SCLT1: variants seen among roughly 807,000 people sequenced by gnomAD.
SCLT1 encodes the protein sodium channel-associated protein 1.
Under a neutral mutation model 112.8 loss-of-function variants are expected in SCLT1, and 78 were observed. The observed-to-expected ratio is 0.69, with a 90% CI of 0.58 to 0.83. The LOEUF (loss-of-function observed/expected upper bound fraction) is 0.83, where lower values mean the gene tolerates loss of function less well. SCLT1 is among the 40% of genes least tolerant of loss of function. The probability of loss-of-function intolerance (pLI) is 0.00; values close to 1 mark genes in which losing one functional copy is unlikely to be tolerated. For missense variants in SCLT1, 747 were observed against 770.4 expected (o/e 0.97, Z 0.36); for synonymous variants, 257 against 254.7 (o/e 1.01, Z -0.09).
intron 5 of SCLT1, among the ~76,000 whole-genome samples, chr4:129,031,567 C>T (rs115606585): frequency 0.014 from 2,185 of 152,134 alleles, 48 homozygotes; most frequent in African/African-American, 0.044. Context: ...AAAACCCCAT[C>T]GTATCAGCCC....
At chr4:129,080,377 C>A (rs767985323) in intron 2 of SCLT1, among the ~76,000 whole-genome samples, 1 of 152,210 alleles carries the variant, frequency 6.6e-6, no homozygotes, top group Non-Finnish European at 1.5e-5. Context: ...TTAAAAGCAG[C>A]CAGGCTACAT....
intron 5 of SCLT1, among the ~76,000 whole-genome samples, chr4:129,005,126 C>T (rs1201467617): frequency 1.3e-5 from 2 of 152,006 alleles, no homozygotes; most frequent in Admixed American, 6.6e-5. Flanking sequence ...TACTGTATTG[C>T]TAATACTATA....
At chr4:128,981,740 AAAAAAAAAAG>A (rs1180025740) in intron 9 of SCLT1, among the ~76,000 whole-genome samples, 37 of 151,714 alleles carry the variant, frequency 2.4e-4, no homozygotes, top group African/African-American at 8.0e-4. Context: ...TCTCCCACAA[AAAAAAAAAAG>A]AAAAAAAAAG....
intron 17 of SCLT1, among the ~76,000 whole-genome samples, chr4:128,940,061 C>A (rs1015548386): frequency 3.3e-5 from 5 of 152,002 alleles, no homozygotes; most frequent in Non-Finnish European, 7.4e-5. Context: ...GATAAACTTT[C>A]TATTACTCTT....
chr4:129,036,463 A>G (rs2126154585), intron 5 of SCLT1: 1 of 152,224 alleles, frequency 6.6e-6, no homozygotes, highest in African/African-American at 2.4e-5. Context: ...AATATTTATA[A>G]TATTCTTTAC....
chr4:128,883,706 C>A (rs1254833939), downstream of SCLT1, among the ~76,000 whole-genome samples: 1 of 152,186 alleles, frequency 6.6e-6, no homozygotes, highest in Non-Finnish European at 1.5e-5. Flanking sequence ...GCAGCAGTCT[C>A]CTAATTGGTT....
chr4:129,036,568 CA>C (rs1172890281), intron 5 of SCLT1: 2 of 151,170 alleles, frequency 1.3e-5, no homozygotes, highest in South Asian at 2.1e-4. Context: ...GGGAAAAAAA[CA>C]AAAATAAATG....
At chr4:129,057,859 C>T (rs1423689739) in intron 2 of SCLT1, among the ~76,000 whole-genome samples, 1 of 151,712 alleles carries the variant, frequency 6.6e-6, no homozygotes, top group Non-Finnish European at 1.5e-5. Flanking sequence ...TCAAGTGATT[C>T]TTGTGCCTCA....
At chr4:129,026,868 T>C (rs959054795) in intron 5 of SCLT1, among the ~76,000 whole-genome samples, 2 of 152,176 alleles carry the variant, frequency 1.3e-5, no homozygotes, top group Admixed American at 1.3e-4. Flanking sequence ...ATAAAGGGGA[T>C]ATCACCACTG....
At chr4:129,021,402 T>A (rs926045528) in intron 5 of SCLT1, among the ~76,000 whole-genome samples, 1 of 152,090 alleles carries the variant, frequency 6.6e-6, no homozygotes, top group African/African-American at 2.4e-5. Context: ...GCTCGGCGGG[T>A]CCAACTCCCA....
intron 7 of SCLT1, 75 bp downstream of exon 7, chr4:128,999,597 G>A (rs112139899): frequency 8.4e-5 from 89 of 1,061,102 alleles, no homozygotes; most frequent in African/African-American, 3.5e-4. Context: ...AGTCTTAAGC[G>A]TTCCCCTCTA....
At chr4:128,966,326 T>C (rs917480084) in intron 10 of SCLT1, among the ~76,000 whole-genome samples, 1 of 152,084 alleles carries the variant, frequency 6.6e-6, no homozygotes, top group African/African-American at 2.4e-5. Context: ...TATTTTTTAG[T>C]GGTTGCTGTA....
chr4:129,033,519 A>AAAAAAAAAAAAAAAAAT, intron 5 of SCLT1, among the ~76,000 whole-genome samples: 1 of 150,818 alleles, frequency 6.6e-6, no homozygotes, highest in Non-Finnish European at 1.5e-5. Flanking sequence ...AAAAAAAAAA[A>AAAAAAAAAAAAAAAAAT]AAAAAAAAAA....
At chr4:128,960,691 C>A (rs957650358) in intron 11 of SCLT1, among the ~76,000 whole-genome samples, 1 of 151,338 alleles carries the variant, frequency 6.6e-6, no homozygotes, top group Non-Finnish European at 1.5e-5. Flanking sequence ...GAGGCCGAGG[C>A]GGGTGGATCA....
intron 20 of SCLT1, among the ~76,000 whole-genome samples, chr4:128,888,052 A>G (rs983548236): frequency 1.3e-5 from 2 of 152,330 alleles, no homozygotes; most frequent in Non-Finnish European, 1.5e-5. Flanking sequence ...ATGCTGTCCA[A>G]TGTGATAGCC....
At chr4:129,016,250 T>C (rs1363763856) in intron 5 of SCLT1, among the ~76,000 whole-genome samples, 1 of 152,190 alleles carries the variant, frequency 6.6e-6, no homozygotes, top group Admixed American at 6.6e-5. Context: ...CCATGGTGGT[T>C]TGCTGCACCT....
intron 6 of SCLT1, among the ~76,000 whole-genome samples, chr4:129,003,094 C>T (rs1437201445): frequency 6.6e-6 from 1 of 152,108 alleles, no homozygotes; most frequent in Non-Finnish European, 1.5e-5. Flanking sequence ...CCATGGAATA[C>T]TATGCAGCCA....
intron 5 of SCLT1, chr4:128,874,037 T>G (rs986763873): frequency 1.3e-5 from 2 of 152,592 alleles, no homozygotes; most frequent in Non-Finnish European, 2.9e-5. Context: ...GTTTTTAGAT[T>G]GACTGACTAT....
chr4:128,883,157 C>A (rs1648063), downstream of SCLT1, among the ~76,000 whole-genome samples: 992 of 57,248 alleles, frequency 0.017, 4 homozygotes, highest in African/African-American at 0.026. Context: ...ACAACAACAA[C>A]AAAAAAAAAA....
Sources: gnomAD v4.1 joint callset for allele counts (sites outside exome capture counted in the v4.1 genomes callset) on GRCh38, gnomAD v4.1.1 for gene constraint, MANE v1.5 for transcripts, NCBI Gene and HGNC (gene_info 2026-07-23, HGNC 2026-07-21) for gene names.